The following ANKRD30B variants were observed in gnomAD, a reference collection of about 807,000 sequenced individuals.
The protein encoded by ANKRD30B is ankyrin repeat domain 30B.
In ANKRD30B, 144 loss-of-function variants were observed where a neutral mutation model predicts 202.2. The observed-to-expected ratio is 0.71, with a 90% CI of 0.62 to 0.82. The LOEUF is 0.82. Ranked by LOEUF, ANKRD30B falls within the 40% of genes least tolerant of loss-of-function variation. The probability of loss-of-function intolerance (pLI) is 0.00; values close to 1 mark genes in which losing one functional copy is unlikely to be tolerated. For synonymous variants in ANKRD30B, 508 were observed against 561.3 expected (o/e 0.91, Z 1.34); for missense variants, 1,487 against 1,669.1 (o/e 0.89, Z 1.90).
chr18:14,874,068 T>A, the ANKRD30B span, among the ~76,000 whole-genome samples: 16 of 152,330 alleles, frequency 1.1e-4, no homozygotes, highest in South Asian at 3.3e-3. Flanking sequence ...ACCTGTAGAA[T>A]GGGAATGGTG....
intron 30 of ANKRD30B, 55 bp from the exon 31 acceptor site, chr18:14,822,428 G>T: frequency 3.0e-6 from 3 of 988,508 alleles, no homozygotes; most frequent in Non-Finnish European, 4.7e-6. Flanking sequence ...ATGAATGTTT[G>T]GTAGACTTTG....
chr18:14,880,037 C>T, the ANKRD30B span, among the ~76,000 whole-genome samples: 2 of 151,876 alleles, frequency 1.3e-5, no homozygotes, highest in African/African-American at 4.8e-5. Context: ...GTTCTTAATC[C>T]ATCTTGAGTA....
chr18:14,911,506 C>T, the ANKRD30B span, among the ~76,000 whole-genome samples: 1 of 151,974 alleles, frequency 6.6e-6, no homozygotes, highest in East Asian at 1.9e-4. Context: ...ATACCATTAC[C>T]ATGTTGTCTT....
chr18:14,932,400 G>A, the ANKRD30B span, among the ~76,000 whole-genome samples: 61 of 152,084 alleles, frequency 4.0e-4, no homozygotes, highest in Non-Finnish European at 7.4e-4. Flanking sequence ...GGCGTGGCGC[G>A]ATCTCGGCTC....
At chr18:14,883,145 A>G in the ANKRD30B span, among the ~76,000 whole-genome samples, 2 of 152,074 alleles carry the variant, frequency 1.3e-5, no homozygotes, top group Non-Finnish European at 2.9e-5. Flanking sequence ...ACAAAGATGA[A>G]GAAGCAGGCA....
At position 14,769,450 on chromosome 18, in the gene ANKRD30B, A is replaced by G. The variant is rs946603188; in HGVS notation, c.1256+77A>G. The G allele has an allele frequency of 2.4e-5, 28 of 1,156,908 alleles. No homozygotes were observed. The African/African-American group carries it at 2.6e-4, about 11-fold the overall frequency. 71.7% of individuals were successfully genotyped at this position (1,156,908 alleles called of 1,614,324 possible). A position where few individuals can be genotyped will look rare whatever the true frequency, so the allele number is the denominator to read the frequency against. On this transcript the variant is annotated intron_variant, in intron 8 of 43. Coordinates refer to ENST00000690538, the MANE Select transcript of ANKRD30B (RefSeq NM_001367607.2). Reference sequence around the variant, plus strand: ...GAAAAGAAATCACTATCTGCTGAGTATTCTACTCTGGGCTAGACAACATAT... The same window carrying G: ...GAAAAGAAATCACTATCTGCTGAGTGTTCTACTCTGGGCTAGACAACATAT...
intron 30 of ANKRD30B, among the ~76,000 whole-genome samples, chr18:14,815,490 G>GA (rs1598663387): frequency 6.6e-6 from 1 of 152,090 alleles, no homozygotes; most frequent in African/African-American, 2.4e-5. Context: ...CCTTTCATGG[G>GA]AAAAATGTGG....
chr18:14,921,478 C>T, the ANKRD30B span, among the ~76,000 whole-genome samples: 9 of 152,086 alleles, frequency 5.9e-5, no homozygotes, highest in African/African-American at 1.7e-4. Flanking sequence ...CAAGGTGTCA[C>T]GAGGCCCCAC....
chr18:14,782,722 C>T (rs554042346), intron 12 of ANKRD30B, 108 bp downstream of exon 12: 2 of 598,738 alleles, frequency 3.3e-6, no homozygotes, highest in Non-Finnish European at 5.4e-6. Flanking sequence ...AAATACATAA[C>T]ATCGAAAAGA....
At chr18:14,749,479 C>G (rs772820664) in intron 1 of ANKRD30B, among the ~76,000 whole-genome samples, 93 of 152,068 alleles carry the variant, frequency 6.1e-4, no homozygotes, top group Non-Finnish European at 1.1e-3. Context: ...CAAGACCAGC[C>G]TGGCCAATAT....
chr18:14,860,383 G>A, the ANKRD30B span, among the ~76,000 whole-genome samples: 3 of 8,278 alleles, frequency 3.6e-4, no homozygotes, highest in Admixed American at 1.5e-3. Flanking sequence ...ACTTCCCAGA[G>A]GGGGTGGCCG....
Position 14,752,825 on chromosome 18 carries a change from T to C in ANKRD30B, c.337-14T>C, listed in dbSNP as rs765905553. 6.2e-7 allele frequency: 1 copy of C among 1,603,148 alleles called. No homozygotes were observed. The highest frequency in any genetic ancestry group is 1.7e-5 in the Admixed American group (1 of 58,522). ...CTATAATTTATAATGTACTTCTTGC[T>C]TTAATACTGACAGGCTCTACAATGC... On this transcript the variant is annotated splice_polypyrimidine_tract_variant and intron_variant, in intron 2 of 43. Coordinates refer to ENST00000690538, the MANE Select transcript of ANKRD30B (RefSeq NM_001367607.2).
the ANKRD30B span, among the ~76,000 whole-genome samples, chr18:14,866,938 G>A: frequency 2.0e-5 from 3 of 146,598 alleles, no homozygotes; most frequent in South Asian, 2.2e-4. Flanking sequence ...TAGCTACCAT[G>A]AGCTACAATG....
At chr18:14,834,948 G>T (rs1971109055) in intron 34 of ANKRD30B, among the ~76,000 whole-genome samples, 1 of 151,770 alleles carries the variant, frequency 6.6e-6, no homozygotes, top group South Asian at 2.1e-4. Context: ...ACTTTATTGT[G>T]AATTATTACT....
At chr18:14,836,375 C>T (rs71350518) in intron 34 of ANKRD30B, among the ~76,000 whole-genome samples, 11 of 151,978 alleles carry the variant, frequency 7.2e-5, no homozygotes, top group South Asian at 4.2e-4. Flanking sequence ...GCACTTCAAC[C>T]GGCACTTCAA....
chr18:14,766,568 C>A (rs1916260133), intron 7 of ANKRD30B, among the ~76,000 whole-genome samples: 1 of 150,268 alleles, frequency 6.7e-6, no homozygotes, highest in Non-Finnish European at 1.5e-5. Context: ...GACAGACCAA[C>A]CATTTTCTTT....
intron 15 of ANKRD30B, 67 bp from the exon 16 acceptor site, chr18:14,791,334 A>G (rs1012233704): frequency 7.3e-7 from 1 of 1,361,004 alleles, no homozygotes; most frequent in Non-Finnish European, 1.0e-6. Flanking sequence ...TCTAGTTAGA[A>G]AATTTTGATA....
intron 8 of ANKRD30B, among the ~76,000 whole-genome samples, chr18:14,771,252 A>C (rs2143796323): frequency 6.6e-6 from 1 of 152,306 alleles, no homozygotes; most frequent in East Asian, 1.9e-4. Flanking sequence ...GAAGCCCTGC[A>C]GAAGAAAGAT....
the ANKRD30B span, among the ~76,000 whole-genome samples, chr18:14,893,689 T>G: frequency 1.3e-5 from 2 of 151,776 alleles, no homozygotes; most frequent in Non-Finnish European, 2.9e-5. Context: ...GAAAGCATAA[T>G]AGAAAAATAT....
Sources: gnomAD v4.1 joint callset for allele counts (sites outside exome capture counted in the v4.1 genomes callset) on GRCh38, gnomAD v4.1.1 for gene constraint, MANE v1.5 for transcripts, NCBI Gene and HGNC (gene_info 2026-07-23, HGNC 2026-07-21) for gene names.